RBPJ: variants seen among roughly 807,000 people sequenced by gnomAD.
RBPJ encodes the protein recombination signal binding protein for immunoglobulin kappa J region.
Under a neutral mutation model 67.8 loss-of-function variants are expected in RBPJ, and 9 were observed. That is an observed-to-expected ratio of 0.13 (90% CI 0.08 to 0.23). RBPJ has a LOEUF of 0.23. Among genes scored for constraint, RBPJ ranks in the 10% least tolerant of loss-of-function variants. The pLI is 1.00. For synonymous variants in RBPJ, 198 were observed against 203.3 expected, an observed-to-expected ratio of 0.97 and a Z score of 0.22; for missense variants, 305 against 595.6, an observed-to-expected ratio of 0.51 and a Z score of 5.08.
intron 1 of RBPJ, among the ~76,000 whole-genome samples, chr4:26,194,818 A>G (rs909307386): frequency 7.2e-5 from 11 of 152,208 alleles, no homozygotes; most frequent in African/African-American, 2.7e-4. Flanking sequence ...AGTGGCTGTG[A>G]CCAGTGGTCC....
chr4:26,187,666 C>A (rs1190786688), intron 1 of RBPJ, among the ~76,000 whole-genome samples: 1 of 152,104 alleles, frequency 6.6e-6, no homozygotes, highest in Non-Finnish European at 1.5e-5. Context: ...AGGTTTAGAA[C>A]AATTTCTATC....
chr4:26,410,617 C>CA (rs1321671023), intron 3 of RBPJ, among the ~76,000 whole-genome samples: 1 of 152,146 alleles, frequency 6.6e-6, no homozygotes, highest in East Asian at 1.9e-4. Flanking sequence ...TTGTGGCATG[C>CA]AAAAAGTTCC....
intron 1 of RBPJ, chr4:26,362,529 A>T (rs1338835948): frequency 2.5e-6 from 4 of 1,595,358 alleles, no homozygotes; most frequent in Non-Finnish European, 3.4e-6. Flanking sequence ...AAGGAGAATG[A>T]TACAGATACA....
At chr4:26,320,462 G>A (rs1722898187), upstream of RBPJ, 10 of 406,474 alleles carry the variant, frequency 2.5e-5, no homozygotes, top group Admixed American at 1.7e-4. Context: ...TGGCGCTCCT[G>A]CACCAAACGC....
At chr4:26,250,311 T>C (rs1267743701) in intron 1 of RBPJ, among the ~76,000 whole-genome samples, 2 of 150,952 alleles carry the variant, frequency 1.3e-5, no homozygotes, top group African/African-American at 4.9e-5. Flanking sequence ...TGTTGTAGCA[T>C]AGATCAGACT....
At chr4:26,268,723 T>C (rs1402685818) in intron 1 of RBPJ, among the ~76,000 whole-genome samples, 1 of 151,684 alleles carries the variant, frequency 6.6e-6, no homozygotes, top group South Asian at 2.1e-4. Context: ...TTGTCTAAGG[T>C]CAAGCCTGGC....
the RBPJ span, among the ~76,000 whole-genome samples, chr4:26,117,957 A>G: frequency 2.0e-5 from 3 of 152,144 alleles, no homozygotes; most frequent in Admixed American, 6.5e-5. Flanking sequence ...ATATATACAT[A>G]TTTGTGTATA....
At chr4:26,182,234 C>T (rs949199338) in intron 1 of RBPJ, among the ~76,000 whole-genome samples, 25 of 151,878 alleles carry the variant, frequency 1.6e-4, no homozygotes, top group African/African-American at 6.0e-4. Flanking sequence ...CCCAGTTACT[C>T]GGGAGGCTGA....
chr4:26,352,493 C>A (rs553350805), intron 1 of RBPJ, among the ~76,000 whole-genome samples: 1 of 152,270 alleles, frequency 6.6e-6, no homozygotes. Context: ...AACCATAGCA[C>A]TCACATCATT....
the RBPJ span, among the ~76,000 whole-genome samples, chr4:26,118,687 A>G: frequency 2.7e-4 from 41 of 152,164 alleles, no homozygotes; most frequent in Non-Finnish European, 5.9e-5. Context: ...TATGTCCTTT[A>G]ATTTCTACTG....
At chr4:26,419,423 G>A (rs1734904559) in intron 4 of RBPJ, among the ~76,000 whole-genome samples, 1 of 152,074 alleles carries the variant, frequency 6.6e-6, no homozygotes. Context: ...TTCTTATATA[G>A]CTTTGCTATG....
chr4:26,412,773 A>G (rs1310684623), intron 3 of RBPJ, among the ~76,000 whole-genome samples: 14 of 152,128 alleles, frequency 9.2e-5, no homozygotes, highest in Admixed American at 9.2e-4. Context: ...TGCCTTCTCA[A>G]CCTCCTGAGA....
At chr4:26,306,036 T>TC (rs56300180) in intron 1 of RBPJ, among the ~76,000 whole-genome samples, 100,790 of 151,284 alleles carry the variant, frequency 0.67, 33,849 homozygotes, top group African/African-American at 0.74. Context: ...TCCACCCACC[T>TC]AGCCTCCCAA....
intron 1 of RBPJ, among the ~76,000 whole-genome samples, chr4:26,189,065 A>C (rs1456949003): frequency 1.3e-5 from 2 of 152,160 alleles, no homozygotes; most frequent in African/African-American, 4.8e-5. Context: ...TTTAAAAATA[A>C]GAAATAGCTG....
At chr4:26,319,154 CG>C (rs1360072626), upstream of RBPJ, among the ~76,000 whole-genome samples, 1 of 151,800 alleles carries the variant, frequency 6.6e-6, no homozygotes, top group Non-Finnish European at 1.5e-5. Flanking sequence ...CTCCCGGAGG[CG>C]GGGGGCGCGG....
intron 1 of RBPJ, among the ~76,000 whole-genome samples, chr4:26,169,511 G>A (rs1033822687): frequency 7.2e-5 from 11 of 152,178 alleles, no homozygotes; most frequent in Non-Finnish European, 1.2e-4. Flanking sequence ...TAGGCTGCTC[G>A]GGGGTCAGGG....
the RBPJ span, among the ~76,000 whole-genome samples, chr4:26,128,262 G>A: frequency 0.027 from 4,150 of 152,338 alleles, 92 homozygotes; most frequent in Non-Finnish European, 0.04. Flanking sequence ...CAGAAGAGGT[G>A]TGGAGGTTCT....
chr4:26,250,590 C>T (rs1348015980), intron 1 of RBPJ, among the ~76,000 whole-genome samples: 1 of 152,260 alleles, frequency 6.6e-6, no homozygotes, highest in South Asian at 2.1e-4. Flanking sequence ...ACCTTGGCTT[C>T]CCAAAGTGCT....
upstream of RBPJ, chr4:26,319,847 G>C (rs775486930): frequency 2.8e-5 from 44 of 1,596,388 alleles, no homozygotes; most frequent in Non-Finnish European, 3.7e-5. Flanking sequence ...GGAATCTCTA[G>C]GAAAGGAAAG....
Sources: allele counts gnomAD v4.1 joint callset (sites outside exome capture counted in the v4.1 genomes callset), GRCh38; gene constraint gnomAD v4.1.1; transcripts MANE v1.5; gene names NCBI Gene and HGNC (gene_info 2026-07-23, HGNC 2026-07-21).